MACROD2: variants seen among roughly 807,000 people sequenced by gnomAD.
MACROD2 encodes mono-ADP ribosylhydrolase 2, also known as ADP-ribose glycohydrolase MACROD2.
A neutral mutation model predicts 70.4 loss-of-function variants in MACROD2; 36 were observed. The observed-to-expected ratio is 0.51, with a 90% CI of 0.39 to 0.68. The LOEUF (loss-of-function observed/expected upper bound fraction) is 0.68. Ranked by LOEUF, MACROD2 falls within the 30% of genes least tolerant of loss-of-function variation. The pLI is 0.00. For synonymous variants in MACROD2, 172 were observed against 178.8 expected (o/e 0.96, Z 0.30); for missense variants, 496 against 538.4 (o/e 0.92, Z 0.78).
At chr20:15,778,906 T>C (rs186875401) in intron 8 of MACROD2, among the ~76,000 whole-genome samples, 1 of 152,210 alleles carries the variant, frequency 6.6e-6, no homozygotes, top group Admixed American at 6.5e-5. Flanking sequence ...GATCTAGGTT[T>C]TATGAAATAT....
intron 6 of MACROD2, among the ~76,000 whole-genome samples, chr20:15,417,456 G>A (rs913728675): frequency 6.6e-5 from 10 of 151,488 alleles, no homozygotes; most frequent in African/African-American, 2.4e-4. Flanking sequence ...ATATTAGATG[G>A]GTATGCTGGT....
chr20:14,370,418 CA>C (rs749453358), intron 3 of MACROD2, among the ~76,000 whole-genome samples: 14 of 151,950 alleles, frequency 9.2e-5, no homozygotes, highest in Admixed American at 2.0e-4. Flanking sequence ...TTGGGAATAC[CA>C]AAATTTAGGA....
chr20:15,117,510 T>C (rs1307614982), intron 5 of MACROD2, among the ~76,000 whole-genome samples: 1 of 145,076 alleles, frequency 6.9e-6, no homozygotes, highest in Non-Finnish European at 1.5e-5. Context: ...TCAGGAAATA[T>C]CGCGATTTCA....
At chr20:15,546,048 C>A (rs1391663909) in intron 8 of MACROD2, among the ~76,000 whole-genome samples, 1 of 152,154 alleles carries the variant, frequency 6.6e-6, no homozygotes. Context: ...GTCAGGAGTT[C>A]AAGACCAGCC....
rs151272817 is a variant in MACROD2, at chr20:15,858,777, C to T, written c.646-3968C>T. On this transcript the variant is annotated intron_variant, in intron 8 of 17. Coordinates refer to ENST00000684519, the MANE Select transcript of MACROD2 (RefSeq NM_001351661.2). ...ATGGCATGGTGGTTGGGTACAAGAG[C>T]GAGGCTCCCAAGAAGACCAGGCAGA... 3.1e-3 allele frequency among the ~76,000 whole-genome samples: 472 copies of T among 152,222 alleles called. 4 individuals are homozygous for T. Among genetic ancestry groups the T allele is most frequent in the African/African-American group, 0.011 (453 of 41,544 alleles).
chr20:15,676,842 C>G (rs1386874244), intron 8 of MACROD2, among the ~76,000 whole-genome samples: 1 of 152,168 alleles, frequency 6.6e-6, no homozygotes, highest in African/African-American at 2.4e-5. Flanking sequence ...ATCTGCTATT[C>G]TATTGAATGG....
intron 12 of MACROD2, among the ~76,000 whole-genome samples, chr20:15,943,611 A>G (rs1033409713): frequency 6.6e-6 from 1 of 152,194 alleles, no homozygotes; most frequent in Admixed American, 6.5e-5. Flanking sequence ...CCTGTACACA[A>G]TGCTTTACAT....
At chr20:14,206,656 C>CTT (rs566729087) in intron 3 of MACROD2, among the ~76,000 whole-genome samples, 4 of 130,352 alleles carry the variant, frequency 3.1e-5, no homozygotes, top group African/African-American at 5.7e-5. Context: ...TCCCATGAGG[C>CTT]TTTTTTTTTT....
At chr20:15,629,517 T>C (rs1469050057) in intron 8 of MACROD2, among the ~76,000 whole-genome samples, 1 of 152,252 alleles carries the variant, frequency 6.6e-6, no homozygotes, top group Non-Finnish European at 1.5e-5. Context: ...ATGGTTCAAA[T>C]GGACCTTACA....
At chr20:14,866,358 C>T (rs2073427671) in intron 5 of MACROD2, among the ~76,000 whole-genome samples, 1 of 152,110 alleles carries the variant, frequency 6.6e-6, no homozygotes, top group Admixed American at 6.6e-5. Context: ...CCAAAGTGCA[C>T]TCCCTTCAGC....
intron 8 of MACROD2, among the ~76,000 whole-genome samples, chr20:15,699,604 C>T (rs1600776355): frequency 6.6e-6 from 1 of 152,126 alleles, no homozygotes; most frequent in African/African-American, 2.4e-5. Flanking sequence ...CGCTGTGTCC[C>T]CTGCCACAGC....
intron 8 of MACROD2, among the ~76,000 whole-genome samples, chr20:15,650,039 G>A (rs73103789): frequency 0.02 from 3,033 of 152,140 alleles, 51 homozygotes; most frequent in Non-Finnish European, 0.033. Context: ...TGTTAATATT[G>A]TAAGACAATA....
chr20:14,357,340 T>C (rs1416012694), intron 3 of MACROD2, among the ~76,000 whole-genome samples: 1 of 152,250 alleles, frequency 6.6e-6, no homozygotes, highest in Admixed American at 6.5e-5. Context: ...TGAGTGACTT[T>C]TCATTTCTTT....
intron 5 of MACROD2, among the ~76,000 whole-genome samples, chr20:15,031,473 TC>T (rs1374746131): frequency 6.6e-6 from 1 of 152,140 alleles, no homozygotes; most frequent in Admixed American, 6.5e-5. Context: ...GAGAGGCTCT[TC>T]CTTGAGTGAC....
At chr20:15,900,899 G>A (rs979341570) in intron 10 of MACROD2, among the ~76,000 whole-genome samples, 1 of 152,078 alleles carries the variant, frequency 6.6e-6, no homozygotes, top group Non-Finnish European at 1.5e-5. Context: ...GATCTTGCAG[G>A]ACTGCAGGGC....
chr20:14,889,430 A>G (rs959215762), intron 5 of MACROD2, among the ~76,000 whole-genome samples: 3 of 152,132 alleles, frequency 2.0e-5, no homozygotes, highest in African/African-American at 7.2e-5. Context: ...AAAAAAGGAG[A>G]GCAAACTAAA....
intron 3 of MACROD2, among the ~76,000 whole-genome samples, chr20:14,138,991 A>G (rs1462049280): frequency 1.3e-5 from 2 of 152,234 alleles, no homozygotes; most frequent in Non-Finnish European, 2.9e-5. Context: ...ATTATATTTT[A>G]GAAGAGTAAT....
intron 7 of MACROD2, among the ~76,000 whole-genome samples, chr20:15,480,617 T>A (rs2047084410): frequency 6.6e-6 from 1 of 152,114 alleles, no homozygotes; most frequent in Non-Finnish European, 1.5e-5. Flanking sequence ...AGCCTCTGGT[T>A]GGGTTTGTGT....
At chr20:14,870,516 C>G (rs1337930808) in intron 5 of MACROD2, among the ~76,000 whole-genome samples, 1 of 152,118 alleles carries the variant, frequency 6.6e-6, no homozygotes, top group Non-Finnish European at 1.5e-5. Flanking sequence ...GAGGAATCCC[C>G]ACTCTGTCTT....
Sources: gnomAD v4.1 joint callset for allele counts (sites outside exome capture counted in the v4.1 genomes callset) on GRCh38, gnomAD v4.1.1 for gene constraint, MANE v1.5 for transcripts, NCBI Gene and HGNC (gene_info 2026-07-23, HGNC 2026-07-21) for gene names.